The following TMX3 variants were observed in gnomAD, a reference collection of about 807,000 sequenced individuals.
The protein encoded by TMX3 is thioredoxin related transmembrane protein 3.
Under a neutral mutation model 64.4 loss-of-function variants are expected in TMX3, and 40 were observed. The ratio of observed to expected loss-of-function variants is 0.62; its 90% CI spans 0.48 to 0.81. TMX3 has a LOEUF of 0.81. TMX3 is among the 30% of genes least tolerant of loss of function. TMX3 has a pLI of 0.00. For missense variants in TMX3, 497 were observed against 534.5 expected (o/e 0.93, Z 0.69); for synonymous variants, 189 against 175.7 (o/e 1.08, Z -0.60).
chr18:68,674,197 A>ACC lies in TMX3; in HGVS notation c.*2735_*2736insGG, dbSNP rs1471643688. On this transcript the variant is annotated 3_prime_UTR_variant, in exon 16 of 16. Transcript: ENST00000299608. The stretch of plus-strand genomic sequence containing the variant: ...TTTCTAAATCAGATACCAGGAAGCA[A>ACC]CTATGTGAGAAAGAAAATGAAAATT... The ACC allele has an allele frequency of 6.6e-6, 1 of 152,180 alleles. No homozygotes were observed. Among genetic ancestry groups the ACC allele is most frequent in the Non-Finnish European group, 1.5e-5 (1 of 68,002 alleles). The allele number at this position is 152,180 out of a possible 1,614,324, so 9.4% of individuals were successfully genotyped here. A position where few individuals can be genotyped will look rare whatever the true frequency, so the allele number is the denominator to read the frequency against.
At chr18:68,687,838 T>C in intron 9 of TMX3, 73 bp from the exon 10 acceptor site, 2 of 1,159,862 alleles carry the variant, frequency 1.7e-6, no homozygotes, top group Non-Finnish European at 2.5e-6. Flanking sequence ...TTTAATCTGA[T>C]AATAGGTATA....
At chr18:68,687,100 T>C (rs567754523) in intron 10 of TMX3, 1 of 983,234 alleles carries the variant, frequency 1.0e-6, no homozygotes, top group South Asian at 4.7e-5. Flanking sequence ...ATATTTCTCA[T>C]TTCTAATTTG....
In TMX3 at chr18:68,673,926, C is replaced by T. The variant is rs1912723629; in HGVS notation, c.*3007G>A. Reference sequence around the variant, plus strand: ...ACCAATTGATAGTCTTAATATCCTACACTGGTTTATTTGATCATTTAATGC... The same window carrying T: ...ACCAATTGATAGTCTTAATATCCTATACTGGTTTATTTGATCATTTAATGC... On this transcript the variant is annotated 3_prime_UTR_variant, in exon 16 of 16. Transcript: ENST00000299608. 1 of 152,130 alleles carries T rather than the reference C, an allele frequency of 6.6e-6. No individual in the cohort carries two copies. Among genetic ancestry groups the T allele is most frequent in the Admixed American group, 6.5e-5 (1 of 15,270 alleles). 9.4% of individuals were successfully genotyped at this position (152,130 alleles called of 1,614,324 possible).
At chr18:68,683,069 T>C (rs1308090216) in intron 12 of TMX3, 88 bp from the exon 13 acceptor site, 1 of 1,239,460 alleles carries the variant, frequency 8.1e-7, no homozygotes, top group African/African-American at 1.5e-5. Context: ...AGTAAAAAAG[T>C]AAATAAAACA....
intron 6 of TMX3, 51 bp from the exon 7 acceptor site, chr18:68,698,082 T>A: frequency 1.7e-6 from 2 of 1,209,056 alleles, no homozygotes; most frequent in Non-Finnish European, 2.4e-6. Flanking sequence ...CTAAAGTACA[T>A]AATTTACTAT....
intron 13 of TMX3, 52 bp downstream of exon 13, chr18:68,682,872 CA>C (rs1913572637): frequency 1.3e-6 from 2 of 1,536,606 alleles, no homozygotes; most frequent in Admixed American, 1.8e-5. Flanking sequence ...ATCTCAGAAA[CA>C]AATTTAAAAA....
At chr18:68,712,831 T>A (rs1745576775) in intron 2 of TMX3, among the ~76,000 whole-genome samples, 1 of 152,020 alleles carries the variant, frequency 6.6e-6, no homozygotes. Context: ...AGTGCCCCCA[T>A]GGGACTGTCA....
intron 10 of TMX3, chr18:68,687,118 T>G (rs974433148): frequency 2.3e-4 from 227 of 984,070 alleles, no homozygotes; most frequent in Non-Finnish European, 2.7e-4. Context: ...TTGCTATAAA[T>G]TTATAAAACA....
intron 4 of TMX3, among the ~76,000 whole-genome samples, chr18:68,704,938 A>G (rs893153978): frequency 6.6e-6 from 1 of 152,208 alleles, no homozygotes; most frequent in African/African-American, 2.4e-5. Context: ...TCATCTATAA[A>G]ATGGGAAAGG....
intron 13 of TMX3, among the ~76,000 whole-genome samples, chr18:68,682,207 C>T (rs1240867386): frequency 6.6e-6 from 1 of 152,118 alleles, no homozygotes; most frequent in African/African-American, 2.4e-5. Flanking sequence ...TTTCCATCAA[C>T]GGTGTCTAAT....
At chr18:68,712,624 G>A (rs964282426) in intron 2 of TMX3, among the ~76,000 whole-genome samples, 6 of 152,114 alleles carry the variant, frequency 3.9e-5, no homozygotes, top group African/African-American at 1.2e-4. Context: ...GTTATTAGGA[G>A]CAGAATCCCT....
At chr18:68,704,536 C>T (rs930901046) in intron 4 of TMX3, among the ~76,000 whole-genome samples, 2 of 152,098 alleles carry the variant, frequency 1.3e-5, no homozygotes, top group East Asian at 3.9e-4. Context: ...CAGGAAGATT[C>T]GGTAACTTGT....
intron 14 of TMX3, 90 bp from the exon 15 acceptor site, chr18:68,679,621 G>A: frequency 1.9e-6 from 2 of 1,052,980 alleles, no homozygotes; most frequent in East Asian, 2.6e-5. Context: ...AGGCCAAATG[G>A]TTGACTCCAA....
chr18:68,679,575 C>T lies in TMX3; in HGVS notation c.1036-44G>A, dbSNP rs768468979. 3.2e-5 allele frequency: 49 copies of T among 1,529,774 alleles called. 1 individual carries two copies. Among genetic ancestry groups the T allele is most frequent in the Middle Eastern group, 3.8e-4 (2 of 5,244 alleles). The allele number at this position is 1,529,774 out of a possible 1,614,324, so 94.8% of individuals were successfully genotyped here. On this transcript the variant is annotated intron_variant, in intron 14 of 15. Transcript: ENST00000299608. Reference sequence around the variant, plus strand: ...AAAATAAATTATTTAAGCACCATTACTTCATTTACTTGGTGTTACATAACC... The same window carrying T: ...AAAATAAATTATTTAAGCACCATTATTTCATTTACTTGGTGTTACATAACC...
intron 15 of TMX3, among the ~76,000 whole-genome samples, chr18:68,677,446 C>T (rs1359594492): frequency 6.6e-6 from 1 of 152,094 alleles, no homozygotes; most frequent in Non-Finnish European, 1.5e-5. Flanking sequence ...AAATATTCTA[C>T]AGCCTTTCCT....
Position 68,684,775 on chromosome 18 carries a change from A to C in TMX3, c.737-290T>G, listed in dbSNP as rs148654725. 4.5e-3 allele frequency among the ~76,000 whole-genome samples: 682 copies of C among 152,266 alleles called. 5 individuals carry two copies. Among genetic ancestry groups the C allele is most frequent in the Non-Finnish European group, 6.9e-3 (467 of 68,006 alleles). On this transcript the variant is annotated intron_variant, in intron 10 of 15. Coordinates refer to ENST00000299608, the MANE Select transcript of TMX3 (RefSeq NM_019022.5). ...TAAATAGTATTTTTTATACCAACTT[A>C]CAAGCTTGAATTGTATTTTTTCCTT...
intron 1 of TMX3, 80 bp downstream of exon 1, chr18:68,714,856 G>C (rs940721657): frequency 6.5e-7 from 1 of 1,538,350 alleles, no homozygotes; most frequent in African/African-American, 1.4e-5. Flanking sequence ...CCTCGCCCCA[G>C]ACCCGGGTCC....
intron 12 of TMX3, among the ~76,000 whole-genome samples, chr18:68,683,506 G>T (rs1172827447): frequency 6.6e-6 from 1 of 151,930 alleles, no homozygotes; most frequent in African/African-American, 2.4e-5. Context: ...TTTTTATTCA[G>T]TTATTCTTTT....
intron 13 of TMX3, among the ~76,000 whole-genome samples, chr18:68,681,923 G>T (rs1913475031): frequency 6.6e-6 from 1 of 152,122 alleles, no homozygotes; most frequent in Non-Finnish European, 1.5e-5. Flanking sequence ...TTGCTATTAT[G>T]TTCTGCCTGA....
Sources: allele counts gnomAD v4.1 joint callset (sites outside exome capture counted in the v4.1 genomes callset), GRCh38; gene constraint gnomAD v4.1.1; transcripts MANE v1.5; gene names NCBI Gene and HGNC (gene_info 2026-07-23, HGNC 2026-07-21).